Variants in CBL observed in about 807,000 individuals in gnomAD.
CBL encodes the protein Cbl proto-oncogene.
A neutral mutation model predicts 96.9 loss-of-function variants in CBL; 45 were observed. The observed-to-expected ratio is 0.46, with a 90% CI of 0.37 to 0.60. The LOEUF (loss-of-function observed/expected upper bound fraction) is 0.60. Ranked by LOEUF, CBL falls within the 20% of genes least tolerant of loss-of-function variation. The probability of loss-of-function intolerance (pLI) is 0.00; values close to 1 mark genes in which losing one functional copy is unlikely to be tolerated. For synonymous variants in CBL, 420 were observed against 426.8 expected (o/e 0.98, Z 0.20); for missense variants, 1,024 against 1,143.5 (o/e 0.90, Z 1.51).
chr11:119,278,376 A>C (rs1949906336), intron 8 of CBL, 79 bp downstream of exon 8: 3 of 1,567,228 alleles, frequency 1.9e-6, no homozygotes, highest in Non-Finnish European at 1.8e-6. Flanking sequence ...TTACTGATAC[A>C]AGGGGTGGCC....
At position 119,299,601 on chromosome 11, in the gene CBL, C is replaced by T. The variant is rs926306863; in HGVS notation, c.2541C>T (p.Ala847=). The change falls in exon 16 of 16, where the codon GCC becomes GCT. Residue 847 remains alanine (A), a synonymous_variant. Coordinates refer to ENST00000264033, the MANE Select transcript of CBL (RefSeq NM_005188.4). ...GCTGTCAGCAAGGTAGTGGTCCTGC[C>T]GCCTCTGCTGCCACCGCCTCACCTC... ...AGSCQQGSGP[A]ASAATASPQL... 5.6e-6 allele frequency: 9 copies of T among 1,614,036 alleles called. No individual in the cohort carries two copies. The highest frequency in any genetic ancestry group is 3.3e-5 in the South Asian group (3 of 91,084).
At chr11:119,208,535 G>T (rs1441778961) in intron 1 of CBL, among the ~76,000 whole-genome samples, 5 of 151,854 alleles carry the variant, frequency 3.3e-5, no homozygotes, top group Non-Finnish European at 5.9e-5. Context: ...GATTACAGGT[G>T]CGCGCCACCA....
intron 1 of CBL, among the ~76,000 whole-genome samples, chr11:119,214,317 G>A (rs1949341173): frequency 6.6e-6 from 1 of 151,574 alleles, no homozygotes; most frequent in Non-Finnish European, 1.5e-5. Flanking sequence ...AATGCAATGA[G>A]TGGCGTGATC....
intron 2 of CBL, among the ~76,000 whole-genome samples, chr11:119,247,602 A>G (rs960275125): frequency 6.6e-6 from 1 of 152,170 alleles, no homozygotes; most frequent in Non-Finnish European, 1.5e-5. Flanking sequence ...CTTGAGGTCA[A>G]GAGTTCAAGA....
intron 11 of CBL, 49 bp from the exon 12 acceptor site, chr11:119,287,803 T>C: frequency 8.6e-7 from 1 of 1,156,350 alleles, no homozygotes; most frequent in South Asian, 1.2e-5. Flanking sequence ...GAGCAGAGGC[T>C]CAGCTGTGGT....
Position 119,223,503 on chromosome 11 carries a change from C to T in CBL, c.196-8945C>T, listed in dbSNP as rs1257932653. On this transcript the variant is annotated intron_variant, in intron 1 of 15. Coordinates refer to ENST00000264033, the MANE Select transcript of CBL (RefSeq NM_005188.4). ...GGAGTGCAGTGGCCTGATCTCTGCTCACTGCAAACTCCATCTCCCAGGTTC... is the reference window on the plus strand; with the variant it reads ...GGAGTGCAGTGGCCTGATCTCTGCTTACTGCAAACTCCATCTCCCAGGTTC... 4.6e-5 allele frequency among the ~76,000 whole-genome samples: 7 copies of T among 151,856 alleles called. No individual in the cohort carries two copies. In the East Asian group the frequency reaches 5.8e-4, roughly 13 times the overall value.
In CBL at chr11:119,303,991, GGT is replaced by G. The variant is rs1157607306; in HGVS notation, c.*4214_*4215del. On this transcript the variant is annotated 3_prime_UTR_variant, in exon 16 of 16. Transcript: ENST00000264033. ...CTAACTATGTTTTAGAAGGGCTGGA[GGT>G]GTGGGCCCTGTCTTCGGGTCTCAGG... The G allele has an allele frequency of 8.6e-6, 2 of 233,574 alleles. No homozygotes were observed. The highest frequency in any genetic ancestry group is 2.2e-5 in the African/African-American group (1 of 45,320). 14.5% of individuals were successfully genotyped at this position (233,574 alleles called of 1,614,324 possible). A position where few individuals can be genotyped will look rare whatever the true frequency, so the allele number is the denominator to read the frequency against.
intron 2 of CBL, among the ~76,000 whole-genome samples, chr11:119,264,650 T>C (rs2135290677): frequency 6.6e-6 from 1 of 151,474 alleles, no homozygotes; most frequent in African/African-American, 2.4e-5. Context: ...CCCAGCTGAT[T>C]TTTGTTTTTT....
At chr11:119,236,930 A>G (rs979530935) in intron 2 of CBL, among the ~76,000 whole-genome samples, 3 of 152,258 alleles carry the variant, frequency 2.0e-5, no homozygotes, top group South Asian at 4.1e-4. Flanking sequence ...GCAGTCAACC[A>G]TGGTTTGAAA....
chr11:119,257,911 G>A (rs1949722969), intron 2 of CBL, among the ~76,000 whole-genome samples: 1 of 152,046 alleles, frequency 6.6e-6, no homozygotes, highest in South Asian at 2.1e-4. Flanking sequence ...TGGTGTATTA[G>A]TCCATTCTTG....
At chr11:119,272,524 G>T (rs529284388) in intron 3 of CBL, among the ~76,000 whole-genome samples, 2 of 152,134 alleles carry the variant, frequency 1.3e-5, no homozygotes, top group Non-Finnish European at 2.9e-5. Flanking sequence ...ATTTACATAC[G>T]CAGGAGTGGA....
intron 7 of CBL, 90 bp from the exon 8 acceptor site, chr11:119,278,075 GT>G: frequency 8.7e-7 from 1 of 1,148,510 alleles, no homozygotes. Context: ...AGCAAAATTT[GT>G]ATAGGAAACA....
At chr11:119,279,788 G>A (rs1325294053) in intron 9 of CBL, among the ~76,000 whole-genome samples, 2 of 152,192 alleles carry the variant, frequency 1.3e-5, no homozygotes, top group Admixed American at 6.5e-5. Context: ...GGAATTCAGA[G>A]CACTTAAATT....
intron 2 of CBL, among the ~76,000 whole-genome samples, chr11:119,238,364 A>G (rs1312520549): frequency 6.6e-6 from 1 of 150,910 alleles, no homozygotes; most frequent in Non-Finnish European, 1.5e-5. Flanking sequence ...CATGCACCAC[A>G]ACCCCTGGCT....
intron 2 of CBL, among the ~76,000 whole-genome samples, chr11:119,258,556 C>A (rs143988705): frequency 6.6e-6 from 1 of 152,136 alleles, no homozygotes; most frequent in Admixed American, 6.5e-5. Context: ...TCCCACCAGG[C>A]GCCATCTCCA....
intron 2 of CBL, among the ~76,000 whole-genome samples, chr11:119,255,395 AAGATGG>A (rs2135283467): frequency 6.6e-6 from 1 of 152,298 alleles, no homozygotes; most frequent in South Asian, 2.1e-4. Context: ...CAACTCGACT[AAGATGG>A]AGATAAAAAG....
intron 2 of CBL, among the ~76,000 whole-genome samples, chr11:119,254,400 T>C (rs1949695235): frequency 6.6e-6 from 1 of 152,300 alleles, no homozygotes. Context: ...GTGAACGTCA[T>C]AGAGTGTACT....
chr11:119,265,000 C>A (rs1440440435), intron 2 of CBL, among the ~76,000 whole-genome samples: 1 of 152,082 alleles, frequency 6.6e-6, no homozygotes, highest in African/African-American at 2.4e-5. Flanking sequence ...CCTCAGCAAC[C>A]CTAGTAGCTG....
intron 15 of CBL, among the ~76,000 whole-genome samples, 169 bp downstream of exon 15, chr11:119,298,709 C>T (rs542433507): frequency 6.6e-6 from 1 of 152,330 alleles, no homozygotes; most frequent in Non-Finnish European, 1.5e-5. Context: ...TAGTCAGACT[C>T]TTTAGGATTT....
Sources: allele counts gnomAD v4.1 joint callset (sites outside exome capture counted in the v4.1 genomes callset), GRCh38; gene constraint gnomAD v4.1.1; transcripts MANE v1.5; gene names NCBI Gene and HGNC (gene_info 2026-07-23, HGNC 2026-07-21).